The following MICU3 variants were observed in gnomAD, a reference collection of about 807,000 sequenced individuals.
MICU3 encodes calcium uptake protein 3, mitochondrial.
MICU3 carries 62 observed loss-of-function variants against 66.5 expected under a neutral mutation model. The observed-to-expected ratio is 0.93, with a 90% CI of 0.76 to 1.15. The LOEUF (loss-of-function observed/expected upper bound fraction) is 1.15. MICU3 is among the 50% of genes most tolerant of loss of function. The pLI is 0.00. For missense variants in MICU3, 779 were observed against 664.4 expected, an observed-to-expected ratio of 1.17 and a Z score of -1.90; for synonymous variants, 308 against 240.7, an observed-to-expected ratio of 1.28 and a Z score of -2.59.
intron 1 of MICU3, among the ~76,000 whole-genome samples, chr8:17,057,601 A>G (rs1337965879): frequency 6.6e-6 from 1 of 152,158 alleles, no homozygotes; most frequent in Non-Finnish European, 1.5e-5. Context: ...TTTTTCTTAT[A>G]TAATTGCTTT....
At chr8:17,086,042 A>AT (rs1483017183) in intron 6 of MICU3, among the ~76,000 whole-genome samples, 4 of 152,054 alleles carry the variant, frequency 2.6e-5, no homozygotes. Context: ...CTTTTAGCAT[A>AT]TATATTACAC....
At chr8:17,041,175 G>A (rs895227824) in intron 1 of MICU3, among the ~76,000 whole-genome samples, 3 of 151,784 alleles carry the variant, frequency 2.0e-5, no homozygotes, top group African/African-American at 4.8e-5. Context: ...GAAGAGAAAA[G>A]CATCTAAGGA....
rs549530810 is a variant in MICU3 at position 17,118,487 on chromosome 8, C to G, written c.1525-220C>G. 4.6e-5 allele frequency among the ~76,000 whole-genome samples: 7 copies of G among 152,248 alleles called. No individual in the cohort carries two copies. In the East Asian group the frequency reaches 1.2e-3, roughly 25 times the overall value. ...TACTAACTATGGTCAACTTACTGCA[C>G]AATAGATCTCAAAATCATATTCTTC... is the stretch of plus-strand genomic sequence containing the variant. On this transcript the variant is annotated intron_variant, in intron 13 of 14. Coordinates refer to ENST00000318063, the MANE Select transcript of MICU3 (RefSeq NM_181723.3).
downstream of MICU3, among the ~76,000 whole-genome samples, chr8:17,122,797 C>T (rs1265994551): frequency 6.6e-6 from 1 of 151,992 alleles, no homozygotes; most frequent in Admixed American, 6.6e-5. Context: ...ATCTCATCAA[C>T]ACCTTTGTGG....
chr8:17,123,384 A>C (rs1401428233), downstream of MICU3, among the ~76,000 whole-genome samples: 1 of 152,146 alleles, frequency 6.6e-6, no homozygotes, highest in Admixed American at 6.6e-5. Flanking sequence ...ACTTACGAAA[A>C]ATAGAATAGA....
the MICU3 span, among the ~76,000 whole-genome samples, chr8:17,137,923 G>A: frequency 1.4e-4 from 21 of 151,628 alleles, no homozygotes; most frequent in African/African-American, 4.6e-4. Context: ...CACCATATTG[G>A]CCGGGATGGT....
intron 7 of MICU3, among the ~76,000 whole-genome samples, chr8:17,089,616 T>C (rs57740915): frequency 0.095 from 14,421 of 151,926 alleles, 2,274 homozygotes; most frequent in African/African-American, 0.33. Context: ...AGGAGCCAGA[T>C]TTTTGGGGTT....
At chr8:17,064,644 T>C (rs1188492991) in intron 2 of MICU3, among the ~76,000 whole-genome samples, 1 of 152,168 alleles carries the variant, frequency 6.6e-6, no homozygotes, top group Non-Finnish European at 1.5e-5. Context: ...TCATTGTCTC[T>C]CACCTTTTCA....
At chr8:17,037,001 G>A (rs1158818484) in intron 1 of MICU3, among the ~76,000 whole-genome samples, 1 of 152,240 alleles carries the variant, frequency 6.6e-6, no homozygotes, top group Non-Finnish European at 1.5e-5. Flanking sequence ...ATCGAGCGCA[G>A]CGCCCGTGGG....
chr8:17,037,072 T>G (rs1416903932), intron 1 of MICU3, among the ~76,000 whole-genome samples: 1 of 152,206 alleles, frequency 6.6e-6, no homozygotes, highest in Admixed American at 6.5e-5. Flanking sequence ...GCTAAGTCCC[T>G]CACTGCCCGG....
At chr8:17,048,446 C>G (rs559989965) in intron 1 of MICU3, among the ~76,000 whole-genome samples, 2 of 152,124 alleles carry the variant, frequency 1.3e-5, no homozygotes, top group Non-Finnish European at 2.9e-5. Flanking sequence ...TATATAAAAC[C>G]ATCAGATCTG....
chr8:17,068,969 G>T (rs939422674), intron 2 of MICU3, among the ~76,000 whole-genome samples: 18 of 152,152 alleles, frequency 1.2e-4, no homozygotes, highest in African/African-American at 4.3e-4. Flanking sequence ...GTTCAAATGT[G>T]AGCAAAGGAA....
At chr8:17,100,064 C>CTGTG (rs1479266779) in intron 9 of MICU3, among the ~76,000 whole-genome samples, 2 of 151,752 alleles carry the variant, frequency 1.3e-5, no homozygotes, top group African/African-American at 4.8e-5. Context: ...ACTGGAGGAG[C>CTGTG]TGTGGGCTTT....
At chr8:17,123,354 CTG>C (rs1803311228), downstream of MICU3, among the ~76,000 whole-genome samples, 1 of 151,736 alleles carries the variant, frequency 6.6e-6, no homozygotes, top group African/African-American at 2.4e-5. Flanking sequence ...TTGTCCAACA[CTG>C]TGAAGAGAGA....
At chr8:17,118,354 T>C (rs1802892904) in intron 13 of MICU3, among the ~76,000 whole-genome samples, 1 of 152,120 alleles carries the variant, frequency 6.6e-6, no homozygotes, top group Non-Finnish European at 1.5e-5. Flanking sequence ...ATATATATAG[T>C]GGAATGATTA....
intron 1 of MICU3, among the ~76,000 whole-genome samples, chr8:17,031,172 T>C (rs577236244): frequency 6.6e-6 from 1 of 152,000 alleles, no homozygotes; most frequent in South Asian, 2.1e-4. Context: ...GGGCTATTAT[T>C]GCACCACTCC....
chr8:17,114,190 C>A lies in MICU3; in HGVS notation c.1355C>A (p.Ser452Tyr). ...AATATGTATAACTTTGCAAGTCGTT[C>A]TATAGGGCAAGGTAAGTAATCATCT... The part of the protein sequence containing the change: ...ALNMYNFASR[S>Y]IGQDEFKRAV... The change falls in exon 12 of 15, where the codon TCT becomes TAT. Residue 452 changes from serine (S) to tyrosine (Y), a missense_variant. Transcript: ENST00000318063. The A allele has an allele frequency of 6.3e-7, 1 of 1,599,412 alleles. No individual in the cohort carries two copies. The highest frequency in any genetic ancestry group is 8.6e-7 in the Non-Finnish European group (1 of 1,168,884).
At chr8:17,029,267 G>T (rs926263755) in intron 1 of MICU3, among the ~76,000 whole-genome samples, 2 of 152,218 alleles carry the variant, frequency 1.3e-5, no homozygotes, top group African/African-American at 4.8e-5. Flanking sequence ...CCTGAGGTCA[G>T]GAGTTCGAGA....
chr8:17,088,985 T>C (rs1312187348), intron 7 of MICU3, among the ~76,000 whole-genome samples: 2 of 151,984 alleles, frequency 1.3e-5, no homozygotes, highest in African/African-American at 4.8e-5. Flanking sequence ...TTATTTTATT[T>C]TATATGGGTT....
Sources: allele counts gnomAD v4.1 joint callset (sites outside exome capture counted in the v4.1 genomes callset), GRCh38; gene constraint gnomAD v4.1.1; transcripts MANE v1.5; gene names NCBI Gene and HGNC (gene_info 2026-07-23, HGNC 2026-07-21).